The following ATRNL1 variants were observed in gnomAD, a reference collection of about 807,000 sequenced individuals.
ATRNL1 encodes the protein attractin like 1, also known as attractin-like protein 1.
In ATRNL1, 95 loss-of-function variants were observed where a neutral mutation model predicts 182.7. The ratio of observed to expected loss-of-function variants is 0.52; its 90% CI spans 0.44 to 0.62. The LOEUF (loss-of-function observed/expected upper bound fraction) is 0.62, where lower values mean the gene tolerates loss of function less well. Ranked by LOEUF, ATRNL1 falls within the 20% of genes least tolerant of loss-of-function variation. The probability of loss-of-function intolerance (pLI) is 0.00; values close to 1 mark genes in which losing one functional copy is unlikely to be tolerated. For missense variants in ATRNL1, 1,471 were observed against 1,679.5 expected, an observed-to-expected ratio of 0.88 and a Z score of 2.17; for synonymous variants, 576 against 568.3, an observed-to-expected ratio of 1.01 and a Z score of -0.19.
chr10:115,742,289 G>A (rs1477864120), intron 27 of ATRNL1, among the ~76,000 whole-genome samples: 1 of 152,130 alleles, frequency 6.6e-6, no homozygotes. Flanking sequence ...GTAGGATAAA[G>A]GGGAGGTGAA....
At chr10:115,551,818 C>G (rs73373397) in intron 26 of ATRNL1, among the ~76,000 whole-genome samples, 2 of 151,298 alleles carry the variant, frequency 1.3e-5, no homozygotes, top group Non-Finnish European at 3.0e-5. Flanking sequence ...ATTGTCCCCC[C>G]TTATCCATAG....
chr10:115,834,812 G>T (rs782721804), intron 27 of ATRNL1, among the ~76,000 whole-genome samples: 1 of 152,172 alleles, frequency 6.6e-6, no homozygotes, highest in Non-Finnish European at 1.5e-5. Flanking sequence ...GCCTTAGTGT[G>T]ATAGGGACCA....
intron 26 of ATRNL1, among the ~76,000 whole-genome samples, chr10:115,659,687 G>A (rs1456375136): frequency 6.6e-6 from 1 of 152,020 alleles, no homozygotes; most frequent in Non-Finnish European, 1.5e-5. Context: ...CATAAAAAAG[G>A]TTCATAACTT....
At chr10:115,786,328 G>T (rs1949395798) in intron 27 of ATRNL1, among the ~76,000 whole-genome samples, 1 of 152,026 alleles carries the variant, frequency 6.6e-6, no homozygotes, top group Non-Finnish European at 1.5e-5. Flanking sequence ...CAGACTAGGT[G>T]GCTTATACCA....
At chr10:115,177,917 T>G (rs868991043) in intron 8 of ATRNL1, among the ~76,000 whole-genome samples, 12 of 118,856 alleles carry the variant, frequency 1.0e-4, no homozygotes, top group African/African-American at 2.9e-4. Context: ...TTTTTGTTTT[T>G]TTTTTTGTTT....
intron 27 of ATRNL1, among the ~76,000 whole-genome samples, chr10:115,770,427 CT>C (rs1456988357): frequency 1.3e-5 from 2 of 152,098 alleles, no homozygotes; most frequent in Non-Finnish European, 2.9e-5. Context: ...TTCTAAGCTA[CT>C]TTTCAGAAGA....
intron 28 of ATRNL1, among the ~76,000 whole-genome samples, chr10:115,860,984 T>A (rs1166004026): frequency 6.6e-6 from 1 of 152,158 alleles, no homozygotes; most frequent in Non-Finnish European, 1.5e-5. Flanking sequence ...GCCTGAGTCA[T>A]CTGGTGACTC....
chr10:115,319,219 C>G (rs190003255), intron 18 of ATRNL1, among the ~76,000 whole-genome samples: 81 of 152,176 alleles, frequency 5.3e-4, no homozygotes, highest in African/African-American at 2.0e-3. Flanking sequence ...TTCTTAATCC[C>G]GAGTTCTAAT....
At chr10:115,827,290 G>T (rs894630690) in intron 27 of ATRNL1, among the ~76,000 whole-genome samples, 10 of 152,206 alleles carry the variant, frequency 6.6e-5, no homozygotes, top group African/African-American at 2.4e-4. Flanking sequence ...TTACAGCTCA[G>T]TCAGGCCACA....
At chr10:115,403,467 T>G (rs1844675046) in intron 20 of ATRNL1, among the ~76,000 whole-genome samples, 1 of 152,070 alleles carries the variant, frequency 6.6e-6, no homozygotes, top group Non-Finnish European at 1.5e-5. Flanking sequence ...TTTTTTTTGT[T>G]TGTTTTGAGA....
chr10:115,496,375 AG>A (rs782145855), intron 24 of ATRNL1, among the ~76,000 whole-genome samples: 1 of 152,192 alleles, frequency 6.6e-6, no homozygotes, highest in African/African-American at 2.4e-5. Flanking sequence ...TTTATAAGGC[AG>A]GTAATGAATT....
intron 5 of ATRNL1, among the ~76,000 whole-genome samples, chr10:115,138,216 G>A (rs1564766349): frequency 6.6e-6 from 1 of 152,218 alleles, no homozygotes; most frequent in Non-Finnish European, 1.5e-5. Flanking sequence ...TTCAGGGGCT[G>A]GCATTGAGTG....
intron 17 of ATRNL1, among the ~76,000 whole-genome samples, chr10:115,312,329 G>T (rs34373737): frequency 6.6e-6 from 1 of 151,890 alleles, no homozygotes; most frequent in Non-Finnish European, 1.5e-5. Context: ...GCATTTGCTT[G>T]TCTGAAAAGG....
At chr10:115,385,362 G>T (rs1489667342) in intron 19 of ATRNL1, among the ~76,000 whole-genome samples, 1 of 151,976 alleles carries the variant, frequency 6.6e-6, no homozygotes, top group Non-Finnish European at 1.5e-5. Flanking sequence ...CTGCTTGTGC[G>T]TATGAAGTAT....
intron 28 of ATRNL1, among the ~76,000 whole-genome samples, chr10:115,888,494 C>T (rs977352379): frequency 2.0e-5 from 3 of 152,130 alleles, no homozygotes; most frequent in African/African-American, 7.2e-5. Context: ...AGATGGAATG[C>T]CCTTCTCCTC....
intron 28 of ATRNL1, among the ~76,000 whole-genome samples, chr10:115,919,929 A>G (rs1555118278): frequency 1.3e-5 from 2 of 152,112 alleles, no homozygotes; most frequent in Non-Finnish European, 2.9e-5. Flanking sequence ...CTCACGACCT[A>G]ATCACCGCCA....
chr10:115,187,310 AC>A (rs781940513), intron 8 of ATRNL1, among the ~76,000 whole-genome samples: 6 of 152,082 alleles, frequency 3.9e-5, no homozygotes, highest in Non-Finnish European at 7.4e-5. Flanking sequence ...TATCAGACAA[AC>A]TTCAAATAAA....
At chr10:115,505,281 GCA>G (rs374504184) in intron 24 of ATRNL1, among the ~76,000 whole-genome samples, 106,528 of 151,882 alleles carry the variant, frequency 0.7, 38,479 homozygotes, top group African/African-American at 0.79. Context: ...TCTTAGACTA[GCA>G]TGGCATCCAT....
Position 115,822,409 on chromosome 10 carries a change from A to T in ATRNL1, c.3904-25468A>T, listed in dbSNP as rs1234928119. 2.6e-5 allele frequency among the ~76,000 whole-genome samples: 4 copies of T among 152,308 alleles called. No individual in the cohort carries two copies. The East Asian group carries it at 7.7e-4, about 29-fold the overall frequency. On this transcript the variant is annotated intron_variant, in intron 27 of 28. Transcript: ENST00000355044. ...GCAAACAAATTCAAAAGCTAGAAGA[A>T]GGTAAGAAATAACTAAGATCAGAGC...
Sources: allele counts gnomAD v4.1 joint callset (sites outside exome capture counted in the v4.1 genomes callset), GRCh38; gene constraint gnomAD v4.1.1; transcripts MANE v1.5; gene names NCBI Gene and HGNC (gene_info 2026-07-23, HGNC 2026-07-21).